TAFA2: variants seen among roughly 807,000 people sequenced by gnomAD.
The protein encoded by TAFA2 is chemokine-like protein TAFA-2.
TAFA2 carries 7 observed loss-of-function variants against 18.8 expected under a neutral mutation model. That is an observed-to-expected ratio of 0.37 (90% CI 0.21 to 0.70). The LOEUF (loss-of-function observed/expected upper bound fraction) is 0.70. Among genes scored for constraint, TAFA2 ranks in the 30% least tolerant of loss-of-function variants. The probability of loss-of-function intolerance (pLI) is 0.53; values close to 1 mark genes in which losing one functional copy is unlikely to be tolerated. For missense variants in TAFA2, 122 were observed against 158.1 expected (o/e 0.77, Z 1.23); for synonymous variants, 60 against 54.2 (o/e 1.11, Z -0.47).
rs117471945 is a variant in TAFA2 at position 62,184,792 on chromosome 12, G to A, written c.-2+6467C>T. On this transcript the variant is annotated intron_variant, in intron 1 of 4. Coordinates refer to ENST00000416284, the MANE Select transcript of TAFA2 (RefSeq NM_178539.5). ...TGGGATTACAGGCATGAGCCACCGTGCCTGGCTGAAAAAACACTTTATTTT... is the reference window on the plus strand; with the variant it reads ...TGGGATTACAGGCATGAGCCACCGTACCTGGCTGAAAAAACACTTTATTTT... Among the ~76,000 whole-genome samples the A allele has an allele frequency of 3.1e-4, 47 of 151,876 alleles. 1 individual carries two copies. In the East Asian group the frequency reaches 9.1e-3, roughly 29 times the overall value.
chr12:61,964,158 G>C (rs1366468966), intron 1 of TAFA2, among the ~76,000 whole-genome samples: 1 of 151,986 alleles, frequency 6.6e-6, no homozygotes, highest in African/African-American at 2.4e-5. Context: ...TCAGGACATA[G>C]GCATGGGCAA....
Position 62,256,728 on chromosome 12 carries a change from C to T in TAFA2, c.-130+2035G>A, listed in dbSNP as rs561017893. ...ACATTTGTCTGAAATAAGGACCCTC[C>T]GTAATTTTTTTTAGCTTTCAAAAGT... On this transcript the variant is annotated intron_variant, in intron 1 of 5. Transcript: ENST00000551619. Among the ~76,000 whole-genome samples the T allele has an allele frequency of 2.0e-4, 30 of 152,238 alleles. No individual in the cohort carries two copies. The South Asian group carries it at 3.7e-3, about 19-fold the overall frequency.
At chr12:61,756,650 A>G (rs1315044326) in intron 2 of TAFA2, among the ~76,000 whole-genome samples, 1 of 152,102 alleles carries the variant, frequency 6.6e-6, no homozygotes, top group Non-Finnish European at 1.5e-5. Context: ...CACCCACGGT[A>G]ATAATTAAGG....
intron 1 of TAFA2, among the ~76,000 whole-genome samples, chr12:62,202,729 T>A (rs1565778318): frequency 2.0e-5 from 3 of 152,024 alleles, no homozygotes; most frequent in Non-Finnish European, 4.4e-5. Context: ...CTGATTGGTT[T>A]CTAAGAACTT....
intron 1 of TAFA2, among the ~76,000 whole-genome samples, chr12:62,163,164 G>C (rs1250672996): frequency 6.6e-6 from 1 of 152,020 alleles, no homozygotes; most frequent in Non-Finnish European, 1.5e-5. Flanking sequence ...TACTAAAATA[G>C]AACTCTACTT....
intron 2 of TAFA2, among the ~76,000 whole-genome samples, chr12:61,758,307 C>T (rs527531143): frequency 3.6e-4 from 54 of 151,250 alleles, no homozygotes; most frequent in African/African-American, 8.7e-4. Flanking sequence ...TTTTTTTAAA[C>T]GGATGCTTTA....
intron 2 of TAFA2, among the ~76,000 whole-genome samples, chr12:61,858,469 A>C (rs1484271898): frequency 1.3e-5 from 2 of 152,100 alleles, no homozygotes; most frequent in East Asian, 3.8e-4. Context: ...TTTAAGTTCT[A>C]GGGTACATGT....
intron 1 of TAFA2, chr12:62,104,849 C>T (rs987996217): frequency 3.0e-6 from 1 of 334,018 alleles, no homozygotes; most frequent in African/African-American, 2.2e-5. Context: ...AAGTTTGGCT[C>T]CTACGTCTCA....
chr12:61,761,880 G>A (rs887945109), intron 2 of TAFA2, among the ~76,000 whole-genome samples: 22 of 152,074 alleles, frequency 1.4e-4, no homozygotes, highest in Admixed American at 1.3e-3. Flanking sequence ...CCTGGTGGAA[G>A]GTGATTGGAT....
intron 1 of TAFA2, among the ~76,000 whole-genome samples, chr12:62,165,349 G>C (rs1396999363): frequency 6.6e-6 from 1 of 151,866 alleles, no homozygotes; most frequent in Non-Finnish European, 1.5e-5. Context: ...TGTACTCAAG[G>C]CATGGAACTT....
intron 1 of TAFA2, among the ~76,000 whole-genome samples, chr12:62,065,256 C>T (rs1248008281): frequency 6.6e-6 from 1 of 152,022 alleles, no homozygotes; most frequent in Non-Finnish European, 1.5e-5. Flanking sequence ...TAAGGTGATA[C>T]ACCTCACTTC....
intron 1 of TAFA2, among the ~76,000 whole-genome samples, chr12:61,990,308 G>C (rs1879958121): frequency 6.8e-6 from 1 of 147,566 alleles, no homozygotes; most frequent in Non-Finnish European, 1.5e-5. Flanking sequence ...TATTTATTAA[G>C]TGTCTACTCT....
At chr12:61,712,530 T>C (rs569037864) in intron 4 of TAFA2, among the ~76,000 whole-genome samples, 3 of 152,088 alleles carry the variant, frequency 2.0e-5, no homozygotes, top group African/African-American at 7.2e-5. Flanking sequence ...AATAAGGATA[T>C]AACCCATATC....
chr12:61,909,706 C>T (rs1027291590), intron 1 of TAFA2, among the ~76,000 whole-genome samples: 28 of 152,028 alleles, frequency 1.8e-4, no homozygotes, highest in African/African-American at 5.1e-4. Flanking sequence ...AATAGGGAAA[C>T]CAGGAATTGA....
intron 1 of TAFA2, among the ~76,000 whole-genome samples, chr12:61,936,689 A>G (rs188252421): frequency 1.3e-5 from 2 of 152,288 alleles, no homozygotes; most frequent in Admixed American, 1.3e-4. Context: ...TAAAAGCCCT[A>G]TATGAAAATC....
intron 1 of TAFA2, among the ~76,000 whole-genome samples, chr12:61,883,470 G>A (rs1004879741): frequency 1.3e-5 from 2 of 152,108 alleles, no homozygotes; most frequent in South Asian, 2.1e-4. Context: ...CAGCTATTAC[G>A]AAGTTCTTAT....
chr12:61,807,801 T>G (rs945792986), intron 2 of TAFA2, among the ~76,000 whole-genome samples: 2 of 151,590 alleles, frequency 1.3e-5, no homozygotes, highest in South Asian at 2.1e-4. Flanking sequence ...ATTTCGGACT[T>G]GCATGGGGCC....
chr12:61,796,997 T>G (rs956881303), intron 2 of TAFA2, among the ~76,000 whole-genome samples: 2 of 152,128 alleles, frequency 1.3e-5, no homozygotes, highest in South Asian at 2.1e-4. Flanking sequence ...TACAAAACTC[T>G]CTCAATCAGT....
chr12:62,073,505 A>G (rs1223350857), intron 1 of TAFA2, among the ~76,000 whole-genome samples: 2 of 150,082 alleles, frequency 1.3e-5, no homozygotes, highest in African/African-American at 5.0e-5. Flanking sequence ...TATCTTATCT[A>G]TATATTATAG....
Sources: allele counts gnomAD v4.1 joint callset (sites outside exome capture counted in the v4.1 genomes callset), GRCh38; gene constraint gnomAD v4.1.1; transcripts MANE v1.5; gene names NCBI Gene and HGNC (gene_info 2026-07-23, HGNC 2026-07-21).